Variants in SRP19 observed in about 807,000 individuals in gnomAD.
SRP19 encodes the protein signal recognition particle 19.
SRP19 carries 11 observed loss-of-function variants against 22.4 expected under a neutral mutation model. The observed-to-expected ratio is 0.49, with a 90% CI of 0.31 to 0.81. The LOEUF is 0.81. SRP19 is among the 40% of genes least tolerant of loss of function. The pLI, the probability that SRP19 is intolerant of heterozygous loss-of-function variation, is 0.05. For missense variants in SRP19, 168 were observed against 175.9 expected, an observed-to-expected ratio of 0.96 and a Z score of 0.25; for synonymous variants, 61 against 57.6, an observed-to-expected ratio of 1.06 and a Z score of -0.27.
chr5:112,877,294 A>G lies in SRP19; in HGVS notation c.301+12562A>G, dbSNP rs552121438. The G allele has an allele frequency of 6.6e-5, 10 of 152,276 alleles. No homozygotes were observed. In the East Asian group the frequency reaches 1.3e-3, roughly 21 times the overall value. 9.4% of individuals were successfully genotyped at this position (152,276 alleles called of 1,614,324 possible). A position where few individuals can be genotyped will look rare whatever the true frequency, so the allele number is the denominator to read the frequency against. On this transcript the variant is annotated intron_variant, in intron 4 of 4. Transcript: ENST00000391338. ...CTGATTGTTATCTCAAGGTGAGCTA[A>G]TCATCTTTATTTGCCTTAAAAAATA... is the stretch of plus-strand genomic sequence containing the variant.
At chr5:112,866,683 T>C (rs1399443617) in intron 4 of SRP19, among the ~76,000 whole-genome samples, 2 of 152,206 alleles carry the variant, frequency 1.3e-5, no homozygotes, top group African/African-American at 2.4e-5. Context: ...TAGGTATTGC[T>C]AGATGCTTCA....
chr5:112,892,561 C>T (rs749317065), exon 5 of SRP19: 23 of 1,613,978 alleles, frequency 1.4e-5, no homozygotes, highest in Admixed American at 5.0e-5. Flanking sequence ...TGAATTCTGC[C>T]CAGTGACCCG....
At chr5:112,866,686 A>T (rs1399341596) in intron 4 of SRP19, among the ~76,000 whole-genome samples, 2 of 152,194 alleles carry the variant, frequency 1.3e-5, no homozygotes, top group Non-Finnish European at 2.9e-5. Flanking sequence ...GTATTGCTAG[A>T]TGCTTCAGGT....
At chr5:112,885,930 T>C (rs1344277013) in intron 4 of SRP19, among the ~76,000 whole-genome samples, 1 of 152,184 alleles carries the variant, frequency 6.6e-6, no homozygotes, top group African/African-American at 2.4e-5. Context: ...ATCTCCAATC[T>C]ACTTCCATCC....
chr5:112,881,296 C>G (rs1339280011), intron 4 of SRP19, among the ~76,000 whole-genome samples: 1 of 152,116 alleles, frequency 6.6e-6, no homozygotes, highest in East Asian at 1.9e-4. Flanking sequence ...CATACCACTT[C>G]TGGGGCATCA....
intron 1 of SRP19, chr5:112,862,225 C>A (rs988058021): frequency 1.3e-5 from 6 of 455,120 alleles, no homozygotes; most frequent in Non-Finnish European, 2.0e-5. Context: ...GTTTAAATAC[C>A]CTCTAGACGT....
At chr5:112,863,467 A>G (rs1466967395) in intron 2 of SRP19, among the ~76,000 whole-genome samples, 3 of 152,102 alleles carry the variant, frequency 2.0e-5, no homozygotes, top group African/African-American at 4.8e-5. Context: ...TCTACCCACT[A>G]GATGACAGGT....
At chr5:112,897,637 T>A (rs74817790), downstream of SRP19, 1 of 152,234 alleles carries the variant, frequency 6.6e-6, no homozygotes, top group South Asian at 2.1e-4. Flanking sequence ...ATACATCATA[T>A]ATTATCTTCT....
Position 112,893,023 on chromosome 5 carries a change from G to A in SRP19, c.*1416G>A, listed in dbSNP as rs1312978436. The A allele has an allele frequency of 3.9e-6, 6 of 1,540,066 alleles. No individual in the cohort carries two copies. In the African/African-American group the frequency reaches 8.3e-5, roughly 21 times the overall value. ...AAGTTCCTCTAGGTGCCGAAGTCGT[G>A]GGAGGAGGAAGTCGGGTAATAGAGA... On this transcript the variant is annotated 3_prime_UTR_variant, in exon 5 of 5. Transcript: ENST00000391338.
At chr5:112,863,380 C>A (rs954516968) in intron 2 of SRP19, among the ~76,000 whole-genome samples, 5 of 152,126 alleles carry the variant, frequency 3.3e-5, no homozygotes, top group African/African-American at 1.2e-4. Flanking sequence ...ATAGCAGCAC[C>A]ATTGCCGATT....
At chr5:112,873,271 C>CTTTTTTTTTTTTTTT (rs35379154), downstream of SRP19, among the ~76,000 whole-genome samples, 4 of 50,720 alleles carry the variant, frequency 7.9e-5, no homozygotes, top group East Asian at 1.5e-3. Context: ...CTCAGGTTTT[C>CTTTTTTTTTTTTTTT]TTTTTTTTTT....
intron 4 of SRP19, chr5:112,887,184 C>A: frequency 1.3e-6 from 2 of 1,583,518 alleles, no homozygotes; most frequent in South Asian, 1.1e-5. Context: ...GGAAGCCACA[C>A]TGCACAGAAA....
At chr5:112,875,280 A>G (rs1018925265) in intron 4 of SRP19, among the ~76,000 whole-genome samples, 1 of 152,212 alleles carries the variant, frequency 6.6e-6, no homozygotes, top group Non-Finnish European at 1.5e-5. Context: ...TCTAAACACC[A>G]TAATTCTAGA....
intron 4 of SRP19, among the ~76,000 whole-genome samples, chr5:112,884,549 T>C (rs1277366060): frequency 1.3e-5 from 2 of 152,038 alleles, no homozygotes; most frequent in Non-Finnish European, 2.9e-5. Context: ...GGCTAATTTT[T>C]AAATTTTTGT....
chr5:112,878,566 C>A, intron 4 of SRP19: 2 of 564,826 alleles, frequency 3.5e-6, no homozygotes, highest in Non-Finnish European at 5.8e-6. Flanking sequence ...ATACATTTTC[C>A]AAAAACGTGG....
In SRP19 at chr5:112,864,517, G is replaced by A. The variant is rs757766883; in HGVS notation, c.178G>A (p.Val60Ile). 14 of 1,613,892 alleles carry A rather than the reference G, an allele frequency of 8.7e-6. No homozygotes were observed. Among genetic ancestry groups the A allele is most frequent in the South Asian group, 1.1e-5 (1 of 91,084 alleles). ...QDVCSAVGLN[V>I]FLEKNKMYSR... ...TGTATGTTCAGCAGTTGGACTTAAC[G>A]TATTTCTTGAGGTATGACGTGGTTC... Residue 60 changes from valine to isoleucine, a missense_variant, in exon 3 of 5, where the codon GTA becomes ATA. Physicochemically the swap from Val to Ile is conservative, Grantham distance 29 (BLOSUM62 3). Coordinates refer to ENST00000505459, the MANE Select transcript of SRP19 (RefSeq NM_003135.3).
Position 112,868,316 on chromosome 5 carries a change from G to A in SRP19, c.*779G>A, listed in dbSNP as rs1235608121. The A allele has an allele frequency of 2.0e-6, 2 of 985,658 alleles. No individual in the cohort carries two copies. Among genetic ancestry groups the A allele is most frequent in the Non-Finnish European group, 1.2e-6 (1 of 830,182 alleles). The allele number at this position is 985,658 out of a possible 1,614,324, so 61.1% of individuals were successfully genotyped here. ...GTGATTTTGAGCTATCCCAATTCCT[G>A]TTCTTCCTGAGGCCTGGTTTAGCTC... On this transcript the variant is annotated 3_prime_UTR_variant, in exon 5 of 5. Transcript: ENST00000505459.
Position 112,881,049 on chromosome 5 carries a change from A to C in SRP19, c.302-10554A>C, listed in dbSNP as rs536733313. Reference sequence around the variant, plus strand: ...GAGGCTGAGGCAGCAGAATCCCTTGAACCTGGAAGGTGGAGGCTGCAGTGA... The same window carrying C: ...GAGGCTGAGGCAGCAGAATCCCTTGCACCTGGAAGGTGGAGGCTGCAGTGA... On this transcript the variant is annotated intron_variant, in intron 4 of 4. Coordinates refer to the SRP19 transcript ENST00000391338. Among the ~76,000 whole-genome samples, 3 of 145,960 alleles carry C rather than the reference A, an allele frequency of 2.1e-5. No homozygotes were observed. The East Asian group carries it at 6.1e-4, about 30-fold the overall frequency.
chr5:112,864,908 C>G (rs1580713967), intron 4 of SRP19, 176 bp downstream of exon 4: 5 of 434,112 alleles, frequency 1.2e-5, no homozygotes, highest in African/African-American at 1.0e-4. Flanking sequence ...AGGTGAATGA[C>G]CTCTTTGAAA....
Sources: gnomAD v4.1 joint callset for allele counts (sites outside exome capture counted in the v4.1 genomes callset) on GRCh38, gnomAD v4.1.1 for gene constraint, MANE v1.5 for transcripts, NCBI Gene and HGNC (gene_info 2026-07-23, HGNC 2026-07-21) for gene names.